The following ZCCHC14 variants were observed in gnomAD, a reference collection of about 807,000 sequenced individuals.
ZCCHC14 encodes the protein zinc finger CCHC domain-containing protein 14.
Under a neutral mutation model 85.0 loss-of-function variants are expected in ZCCHC14, and 16 were observed. The ratio of observed to expected loss-of-function variants is 0.19; its 90% CI spans 0.13 to 0.29. The LOEUF (loss-of-function observed/expected upper bound fraction) is 0.29, where lower values mean the gene tolerates loss of function less well. ZCCHC14 is among the 10% of genes least tolerant of loss of function. The pLI is 1.00. For missense variants in ZCCHC14, 1,303 were observed against 1,443.5 expected (o/e 0.90, Z 1.58); for synonymous variants, 775 against 630.7 (o/e 1.23, Z -3.43).
chr16:87,447,482 G>A (rs922065794), intron 2 of ZCCHC14, among the ~76,000 whole-genome samples: 3 of 152,104 alleles, frequency 2.0e-5, no homozygotes, highest in Non-Finnish European at 2.9e-5. Flanking sequence ...GACCATACAC[G>A]GGCCCTGCTT....
At chr16:87,431,266 C>G (rs145296235) in intron 3 of ZCCHC14, among the ~76,000 whole-genome samples, 4,322 of 151,888 alleles carry the variant, frequency 0.028, 66 homozygotes, top group Middle Eastern at 0.049. Context: ...GAGGTCAGGA[C>G]ATTGAGACCA....
chr16:87,488,854 AG>A (rs1358255283), intron 1 of ZCCHC14, among the ~76,000 whole-genome samples: 1 of 152,262 alleles, frequency 6.6e-6, no homozygotes, highest in Non-Finnish European at 1.5e-5. Flanking sequence ...CCGGGACTAC[AG>A]GCGTAAGCCA....
chr16:87,491,524 T>C lies in ZCCHC14; in HGVS notation c.570+145A>G. 1.6e-6 allele frequency: 1 copy of C among 619,548 alleles called. No homozygotes were observed. Among genetic ancestry groups the C allele is most frequent in the Non-Finnish European group, 2.4e-6 (1 of 416,488 alleles). 38.4% of individuals were successfully genotyped at this position (619,548 alleles called of 1,614,324 possible). A position where few individuals can be genotyped will look rare whatever the true frequency, so the allele number is the denominator to read the frequency against. The stretch of plus-strand genomic sequence containing the variant: ...GCTTGGGATACGGGCTGGGGGCTCG[T>C]GGTGCAGGTTGGAGACCTGGGTGGG... On this transcript the variant is annotated intron_variant, in intron 1 of 12. Coordinates refer to ENST00000671377, the MANE Select transcript of ZCCHC14 (RefSeq NM_015144.3). This position sits in a 1 kb window ranked among gnomAD's most constrained non-coding sequence, Gnocchi z 5.9.
intron 1 of ZCCHC14, among the ~76,000 whole-genome samples, chr16:87,462,089 G>A (rs1367372915): frequency 6.9e-6 from 1 of 144,208 alleles, no homozygotes; most frequent in Admixed American, 7.0e-5. Flanking sequence ...GTAACAGCGA[G>A]ACCCTGTCTC....
chr16:87,479,507 T>C (rs1219356915), intron 1 of ZCCHC14, among the ~76,000 whole-genome samples: 1 of 151,898 alleles, frequency 6.6e-6, no homozygotes, highest in Non-Finnish European at 1.5e-5. Flanking sequence ...ATTAGACAAA[T>C]GATGCCATAA....
Position 87,412,003 on chromosome 16 carries a change from A to ATGGTGGTGG in ZCCHC14, c.2709_2717dup (p.His904_His906dup), listed in dbSNP as rs769194539. The ATGGTGGTGG allele has an allele frequency of 1.9e-6, 3 of 1,609,298 alleles. No individual in the cohort carries two copies. The highest frequency in any genetic ancestry group is 2.2e-5 in the East Asian group (1 of 44,866). The stretch of plus-strand genomic sequence containing the variant: ...GCTGCGGGGGTGCCGGGGGCTGCTG[A>ATGGTGGTGG]TGGTGGTGGTGGTGGTGGTGGTTCG... On this transcript the variant is annotated inframe_insertion, in exon 12 of 13. Coordinates refer to ENST00000671377, the MANE Select transcript of ZCCHC14 (RefSeq NM_015144.3).
At chr16:87,430,573 G>GCTC (rs1340753907) in intron 3 of ZCCHC14, among the ~76,000 whole-genome samples, 8 of 150,610 alleles carry the variant, frequency 5.3e-5, no homozygotes, top group Non-Finnish European at 5.9e-5. Flanking sequence ...CCAGGCTGGA[G>GCTC]TGCAGTGGTA....
intron 2 of ZCCHC14, among the ~76,000 whole-genome samples, chr16:87,457,310 T>A (rs1224588612): frequency 1.6e-4 from 24 of 152,260 alleles, no homozygotes; most frequent in Admixed American, 1.6e-3. Context: ...CAGTCCCACC[T>A]TTCTTTTCCT....
rs1597393872 is a variant in ZCCHC14, at chr16:87,407,211, A to G, written c.*3069T>C. ...AAACTAACTGTGCTGACTTTGGGCA[A>G]TAAAGGACCTAGAATTCTAAGTACT... is the stretch of plus-strand genomic sequence containing the variant. On this transcript the variant is annotated 3_prime_UTR_variant, in exon 13 of 13. Transcript: ENST00000671377. The G allele has an allele frequency of 6.6e-6, 1 of 152,360 alleles. No individual in the cohort carries two copies. Among genetic ancestry groups the G allele is most frequent in the Non-Finnish European group, 1.5e-5 (1 of 68,026 alleles). The allele number at this position is 152,360 out of a possible 1,614,324, so 9.4% of individuals were successfully genotyped here.
intron 2 of ZCCHC14, among the ~76,000 whole-genome samples, chr16:87,440,309 C>T (rs1172740949): frequency 2.0e-5 from 3 of 151,972 alleles, no homozygotes; most frequent in Non-Finnish European, 4.4e-5. Context: ...GGATTACAGG[C>T]GCACACCACC....
At chr16:87,457,288 C>A (rs149366642) in intron 2 of ZCCHC14, among the ~76,000 whole-genome samples, 1 of 152,244 alleles carries the variant, frequency 6.6e-6, no homozygotes, top group Non-Finnish European at 1.5e-5. Context: ...GGTGTGTTTT[C>A]CACTTTCAGT....
intron 4 of ZCCHC14, among the ~76,000 whole-genome samples, chr16:87,421,973 A>G (rs2150729664): frequency 6.6e-6 from 1 of 152,316 alleles, no homozygotes; most frequent in South Asian, 2.1e-4. Context: ...TTGTCAAGAG[A>G]TAAAGCAATC....
intron 2 of ZCCHC14, among the ~76,000 whole-genome samples, chr16:87,439,131 C>T (rs1910065839): frequency 6.8e-6 from 1 of 146,090 alleles, no homozygotes; most frequent in East Asian, 2.0e-4. Flanking sequence ...GACCCTCATA[C>T]AAGTTCTTTT....
intron 2 of ZCCHC14, among the ~76,000 whole-genome samples, chr16:87,450,257 T>C (rs912234467): frequency 3.9e-5 from 6 of 152,234 alleles, no homozygotes; most frequent in Non-Finnish European, 7.3e-5. Flanking sequence ...AGTTAAATAA[T>C]AATTTTCCTA....
At position 87,479,943 on chromosome 16, in the gene ZCCHC14, CT is replaced by C. The variant is rs566423964; in HGVS notation, c.570+11725del. ...ATGCCAGTTTTTTCTTCTTCTTTTT[CT>C]TTTTTTTTTTAAATAGAGATGGGGT... is the stretch of plus-strand genomic sequence containing the variant. On this transcript the variant is annotated intron_variant, in intron 1 of 12. Transcript: ENST00000671377. Among the ~76,000 whole-genome samples the C allele has an allele frequency of 6.0e-3, 883 of 146,208 alleles. 5 individuals carry two copies. Among genetic ancestry groups the C allele is most frequent in the African/African-American group, 0.02 (798 of 40,156 alleles).
At chr16:87,455,356 C>G (rs995322426) in intron 2 of ZCCHC14, among the ~76,000 whole-genome samples, 1 of 151,810 alleles carries the variant, frequency 6.6e-6, no homozygotes, top group Non-Finnish European at 1.5e-5. Context: ...CATGAGCTGG[C>G]CTCGGCACCC....
At chr16:87,467,659 C>A (rs1567537982) in intron 1 of ZCCHC14, 1 of 921,080 alleles carries the variant, frequency 1.1e-6, no homozygotes, top group East Asian at 2.4e-5. Context: ...CGAACGGTTT[C>A]TTTTTCTTTT....
At chr16:87,471,895 A>G (rs890525993) in intron 1 of ZCCHC14, 4 of 152,322 alleles carry the variant, frequency 2.6e-5, no homozygotes, top group African/African-American at 9.6e-5. Flanking sequence ...CTGCCTTCCT[A>G]GCCCCTCCTT....
rs755582378 is a variant in ZCCHC14, at chr16:87,412,088, C to T, written c.2633G>A (p.Ser878Asn). ...SSPALSSVPE[S>N]SFYSSSGGGG... is the part of the protein sequence containing the mutation. ...ACCGCCACTGCTGCTATAGAAACTGCTTTCAGGGACGGAGGACAGCGCCGG... is the reference window on the plus strand; with the variant it reads ...ACCGCCACTGCTGCTATAGAAACTGTTTTCAGGGACGGAGGACAGCGCCGG... The change falls in exon 12 of 13, where the codon AGC becomes AAC. Residue 878 changes from serine (S) to asparagine (N), a missense_variant. By Grantham distance (46) the Ser-to-Asn change is conservative (BLOSUM62 1). Around this residue, in one of 7 missense-constraint regions of ZCCHC14, gnomAD observed 797 missense variants for 730.8 expected, o/e 1.09. Transcript: ENST00000671377. The T allele has an allele frequency of 6.8e-6, 11 of 1,612,748 alleles. No individual in the cohort carries two copies. Among genetic ancestry groups the T allele is most frequent in the African/African-American group, 5.3e-5 (4 of 74,916 alleles).
Sources: gnomAD v4.1 joint callset for allele counts (sites outside exome capture counted in the v4.1 genomes callset) on GRCh38, gnomAD v4.1.1 for gene constraint, gnomAD v4.1.1 regional missense constraint, Gnocchi (gnomAD v3.1) non-coding constraint, MANE v1.5 for transcripts, NCBI Gene and HGNC (gene_info 2026-07-23, HGNC 2026-07-21) for gene names.